The following RHOT1 variants were observed in gnomAD, a reference collection of about 807,000 sequenced individuals.
RHOT1 encodes mitochondrial Rho GTPase 1.
In RHOT1, 27 loss-of-function variants were observed where a neutral mutation model predicts 95.3. That is an observed-to-expected ratio of 0.28 (90% CI 0.21 to 0.39). The LOEUF (loss-of-function observed/expected upper bound fraction) is 0.39. Ranked by LOEUF, RHOT1 falls within the 10% of genes least tolerant of loss-of-function variation. RHOT1 has a pLI of 1.00. For synonymous variants in RHOT1, 227 were observed against 263.5 expected (o/e 0.86, Z 1.34); for missense variants, 578 against 786.7 (o/e 0.73, Z 3.17).
chr17:32,210,925 CTA>C (rs2142907847), intron 18 of RHOT1, among the ~76,000 whole-genome samples, 189 bp from the exon 19 acceptor site: 1 of 152,212 alleles, frequency 6.6e-6, no homozygotes, highest in Non-Finnish European at 1.5e-5. Flanking sequence ...GAGGAGGAAG[CTA>C]TTACTATTTA....
intron 1 of RHOT1, among the ~76,000 whole-genome samples, chr17:32,147,647 C>G (rs931436249): frequency 6.6e-6 from 1 of 152,016 alleles, no homozygotes; most frequent in Admixed American, 6.6e-5. Flanking sequence ...TGGTGAAACC[C>G]TGTCCCTACT....
At chr17:32,212,303 A>T (rs1379392056) in intron 19 of RHOT1, among the ~76,000 whole-genome samples, 1 of 152,232 alleles carries the variant, frequency 6.6e-6, no homozygotes, top group Non-Finnish European at 1.5e-5. Flanking sequence ...TTTTGAAGGC[A>T]TTCTGAGAGT....
At chr17:32,199,887 A>G (rs779874413) in intron 13 of RHOT1, among the ~76,000 whole-genome samples, 2 of 149,346 alleles carry the variant, frequency 1.3e-5, no homozygotes, top group African/African-American at 2.5e-5. Flanking sequence ...GGTGAAGCAT[A>G]TTTTACTTGA....
At chr17:32,145,032 C>CATGCCTGT (rs2031090436) in intron 1 of RHOT1, among the ~76,000 whole-genome samples, 1 of 152,038 alleles carries the variant, frequency 6.6e-6, no homozygotes, top group Non-Finnish European at 1.5e-5. Flanking sequence ...CACAGTAGCT[C>CATGCCTGT]ATGCCTGTAA....
intron 11 of RHOT1, among the ~76,000 whole-genome samples, chr17:32,196,827 T>G (rs2036922914): frequency 1.3e-5 from 2 of 152,072 alleles, no homozygotes. Context: ...CTCATTCTGT[T>G]GAAATGTCTT....
At chr17:32,145,970 T>C (rs2031263821) in intron 1 of RHOT1, among the ~76,000 whole-genome samples, 1 of 152,126 alleles carries the variant, frequency 6.6e-6, no homozygotes, top group Admixed American at 6.5e-5. Context: ...GGGTCATGAC[T>C]GCACCCCTGC....
intron 8 of RHOT1, 36 bp from the exon 9 acceptor site, chr17:32,192,165 G>GT (rs1344572738): frequency 2.0e-6 from 2 of 1,022,588 alleles, no homozygotes; most frequent in Non-Finnish European, 3.0e-6. Flanking sequence ...GAAAATCACA[G>GT]TTTAAACAAT....
chr17:32,186,364 A>AT (rs141880248), intron 8 of RHOT1, among the ~76,000 whole-genome samples: 5,026 of 128,200 alleles, frequency 0.039, 154 homozygotes, highest in African/African-American at 0.075. Context: ...GTCCTTTCCC[A>AT]TTTTTTTTTT....
At position 32,198,973 on chromosome 17, in the gene RHOT1, C is replaced by T. The variant is rs1335710617; in HGVS notation, c.896C>T (p.Thr299Ile). Residue 299 changes from threonine to isoleucine, a missense_variant, in exon 12 of 20, where the codon ACT (threonine) becomes ATT (isoleucine). This residue lies in a region of RHOT1 where 227 missense variants were observed against 316.0 expected (regional missense o/e 0.72). Coordinates refer to ENST00000545287, the MANE Select transcript of RHOT1 (RefSeq NM_001033566.3). Reference sequence around the variant, plus strand: ...CTGAAAATACCTCCTGATTGCACTACTGAATTAAATCATCATGCATATTTA... The same window carrying T: ...CTGAAAATACCTCCTGATTGCACTATTGAATTAAATCATCATGCATATTTA... Reference protein sequence around the residue: ...PLLKIPPDCTTELNHHAYLFL... With the variant: ...PLLKIPPDCTIELNHHAYLFL... 6.2e-7 allele frequency: 1 copy of T among 1,610,720 alleles called. No homozygotes were observed. The highest frequency in any genetic ancestry group is 1.1e-5 in the South Asian group (1 of 90,712).
intron 3 of RHOT1, among the ~76,000 whole-genome samples, chr17:32,174,190 G>A (rs2034809139): frequency 6.6e-6 from 1 of 152,164 alleles, no homozygotes; most frequent in South Asian, 2.1e-4. Flanking sequence ...AAATGAAAAT[G>A]TGCTGTTAAT....
At chr17:32,222,848 T>C in intron 19 of RHOT1, 8 of 985,770 alleles carry the variant, frequency 8.1e-6, no homozygotes, top group Non-Finnish European at 9.6e-6. Context: ...GTCAGCTCTG[T>C]AGAAGATTCC....
intron 8 of RHOT1, among the ~76,000 whole-genome samples, chr17:32,183,627 T>C (rs1598383945): frequency 6.6e-6 from 1 of 152,238 alleles, no homozygotes; most frequent in South Asian, 2.1e-4. Flanking sequence ...AAAAACATTA[T>C]GTAGTTTTTT....
At chr17:32,160,196 C>G (rs1442696378) in intron 1 of RHOT1, 2 of 152,080 alleles carry the variant, frequency 1.3e-5, no homozygotes, top group Non-Finnish European at 2.9e-5. Flanking sequence ...AGAGGAACTA[C>G]CCTCTCTGCT....
chr17:32,171,657 A>G (rs1421407620), intron 2 of RHOT1, among the ~76,000 whole-genome samples: 1 of 152,244 alleles, frequency 6.6e-6, no homozygotes, highest in Admixed American at 6.5e-5. Context: ...GATAATGAGC[A>G]TTCCGTGAGT....
Position 32,170,322 on chromosome 17 carries a change from C to T in RHOT1, c.38-721C>T, listed in dbSNP as rs960563380. The stretch of plus-strand genomic sequence containing the variant: ...CCCAGCTACTTTGGAGGCTAAGGCA[C>T]GAGAATCGCATGAACCCAGGTGGTG... On this transcript the variant is annotated intron_variant, in intron 1 of 19. Coordinates refer to ENST00000545287, the MANE Select transcript of RHOT1 (RefSeq NM_001033566.3). 5.9e-5 allele frequency among the ~76,000 whole-genome samples: 9 copies of T among 151,674 alleles called. No homozygotes were observed. The East Asian group carries it at 7.8e-4, about 13-fold the overall frequency.
chr17:32,211,776 G>A (rs920857715), intron 19 of RHOT1, among the ~76,000 whole-genome samples: 1 of 152,094 alleles, frequency 6.6e-6, no homozygotes, highest in Non-Finnish European at 1.5e-5. Context: ...TAGACATGAG[G>A]ATAATAACCA....
At chr17:32,188,924 G>T (rs1461805958) in intron 8 of RHOT1, among the ~76,000 whole-genome samples, 5 of 152,138 alleles carry the variant, frequency 3.3e-5, no homozygotes, top group Non-Finnish European at 7.4e-5. Flanking sequence ...CCTTAGTTAG[G>T]ATTCTTCTTT....
intron 2 of RHOT1, among the ~76,000 whole-genome samples, chr17:32,171,682 A>G (rs1215690847): frequency 6.6e-6 from 1 of 152,234 alleles, no homozygotes; most frequent in Non-Finnish European, 1.5e-5. Flanking sequence ...GTTAAGGGGA[A>G]AGATGTGAAT....
intron 1 of RHOT1, among the ~76,000 whole-genome samples, chr17:32,145,738 G>C (rs2031220187): frequency 6.6e-6 from 1 of 152,174 alleles, no homozygotes; most frequent in South Asian, 2.1e-4. Flanking sequence ...TAATGAGCCA[G>C]GTGTGGTGGC....
Sources: gnomAD v4.1 joint callset for allele counts (sites outside exome capture counted in the v4.1 genomes callset) on GRCh38, gnomAD v4.1.1 for gene constraint, gnomAD v4.1.1 regional missense constraint, MANE v1.5 for transcripts, NCBI Gene and HGNC (gene_info 2026-07-23, HGNC 2026-07-21) for gene names.